The following CDH17 variants were observed in gnomAD, a reference collection of about 807,000 sequenced individuals.
CDH17 encodes cadherin 17.
In CDH17, 67 loss-of-function variants were observed where a neutral mutation model predicts 86.3. The observed-to-expected ratio is 0.78, with a 90% CI of 0.64 to 0.95. CDH17 has a LOEUF of 0.95. Ranked by LOEUF, CDH17 falls within the 40% of genes least tolerant of loss-of-function variation. CDH17 has a pLI of 0.00. For synonymous variants in CDH17, 367 were observed against 366.4 expected (o/e 1.00, Z -0.02); for missense variants, 993 against 1,017.6 (o/e 0.98, Z 0.33).
chr8:94,164,335 G>A (rs6471435), intron 10 of CDH17, among the ~76,000 whole-genome samples: 68,490 of 152,008 alleles, frequency 0.45, 17,285 homozygotes, highest in African/African-American at 0.69. Context: ...TCACATGTCC[G>A]TCTCTTCTAC....
chr8:94,194,050 A>T (rs1454259834), intron 2 of CDH17, among the ~76,000 whole-genome samples: 1 of 152,128 alleles, frequency 6.6e-6, no homozygotes, highest in African/African-American at 2.4e-5. Flanking sequence ...GTAGATTTTA[A>T]AAAAAGGCAC....
At chr8:94,208,887 T>C (rs1413992808), upstream of CDH17, among the ~76,000 whole-genome samples, 4 of 152,204 alleles carry the variant, frequency 2.6e-5, no homozygotes, top group Non-Finnish European at 5.9e-5. Flanking sequence ...CCATATTTTG[T>C]ACCCCCAACA....
At chr8:94,167,113 T>A (rs1813172039) in intron 9 of CDH17, among the ~76,000 whole-genome samples, 1 of 152,156 alleles carries the variant, frequency 6.6e-6, no homozygotes, top group Non-Finnish European at 1.5e-5. Context: ...CTGACTCTAC[T>A]CCAAAGATAA....
chr8:94,129,599 C>T (rs1295114430), intron 17 of CDH17, among the ~76,000 whole-genome samples: 1 of 152,126 alleles, frequency 6.6e-6, no homozygotes, highest in Non-Finnish European at 1.5e-5. Context: ...ACCATAAACC[C>T]CTTCACTCAG....
intron 1 of CDH17, chr8:94,203,099 A>G (rs191958646): frequency 1.2e-5 from 2 of 167,590 alleles, no homozygotes; most frequent in Admixed American, 1.3e-4. Flanking sequence ...TCATTTACCC[A>G]TTTATTTGAG....
chr8:94,174,032 C>T, intron 6 of CDH17, 36 bp from the exon 7 acceptor site: 1 of 1,610,268 alleles, frequency 6.2e-7, no homozygotes, highest in Non-Finnish European at 8.5e-7. Context: ...TAGGAAGTGT[C>T]TCTGGAAGAG....
Position 94,200,532 on chromosome 8 carries a change from C to CTTTTTTTTTTTTTTTTTT in CDH17, c.-20-5828_-20-5827insAAAAAAAAAAAAAAAAAA, listed in dbSNP as rs1387182561. On this transcript the variant is annotated intron_variant, in intron 1 of 17. Coordinates refer to ENST00000027335, the MANE Select transcript of CDH17 (RefSeq NM_004063.4). ...TAGATCAGAGGGTTATTATTATTAT[C>CTTTTTTTTTTTTTTTTTT]TTTTGTTTTTTTTTTTTTTTTTTTT... 1.2e-4 allele frequency among the ~76,000 whole-genome samples: 6 copies of CTTTTTTTTTTTTTTTTTT among 50,242 alleles called. 2 individuals are homozygous for CTTTTTTTTTTTTTTTTTT. The highest frequency in any genetic ancestry group is 1.6e-4 in the African/African-American group (2 of 12,802). 33.0% of individuals were successfully genotyped at this position (50,242 alleles called of 152,430 possible).
intron 7 of CDH17, among the ~76,000 whole-genome samples, chr8:94,172,626 C>A (rs546018611): frequency 6.6e-6 from 1 of 152,284 alleles, no homozygotes; most frequent in Non-Finnish European, 1.5e-5. Context: ...TATGATCAGT[C>A]ATTCAAGTGA....
chr8:94,189,150 C>A (rs781334264), intron 3 of CDH17, 37 bp downstream of exon 3: 46 of 1,442,966 alleles, frequency 3.2e-5, no homozygotes, highest in African/African-American at 1.4e-4. Flanking sequence ...AGAGAGCATA[C>A]AAAATCAAGA....
rs763958701 is a variant in CDH17, at chr8:94,170,880, G to T, written c.889C>A (p.Pro297Thr). 29 of 1,613,688 alleles carry T rather than the reference G, an allele frequency of 1.8e-5. No individual in the cohort carries two copies. Among genetic ancestry groups the T allele is most frequent in the Non-Finnish European group, 1.9e-5 (23 of 1,179,830 alleles). The stretch of plus-strand genomic sequence containing the variant: ...GCATCCTTTTCTTCTCGGTCCAAGG[G>T]CTGAGTCACGTAAATATCTCCTTCC... Reference protein sequence around the residue: ...DQEGDIYVTQPLDREEKDAYV... With the variant: ...DQEGDIYVTQTLDREEKDAYV... Residue 297 changes from proline (P) to threonine (T), a missense_variant, in exon 8 of 18, where the codon CCC (proline) becomes ACC (threonine). Transcript: ENST00000027335.
At chr8:94,207,937 T>C (rs1814060946) in intron 1 of CDH17, among the ~76,000 whole-genome samples, 1 of 152,258 alleles carries the variant, frequency 6.6e-6, no homozygotes, top group African/African-American at 2.4e-5. Flanking sequence ...CAGGTCTGTC[T>C]GTCTTCAATT....
At chr8:94,141,062 T>C (rs1232373069) in intron 15 of CDH17, among the ~76,000 whole-genome samples, 1 of 152,110 alleles carries the variant, frequency 6.6e-6, no homozygotes, top group Non-Finnish European at 1.5e-5. Context: ...TGAATATAGA[T>C]GCAAAAATTA....
chr8:94,199,113 C>T, intron 1 of CDH17, among the ~76,000 whole-genome samples: 2 of 137,160 alleles, frequency 1.5e-5, no homozygotes, highest in East Asian at 4.4e-4. Flanking sequence ...TGTCTGTTAG[C>T]ATTACTGCCA....
rs535218423 is a variant in CDH17, at chr8:94,166,143, G to A, written c.1067-167C>T. Among the ~76,000 whole-genome samples, 38 of 152,310 alleles carry A rather than the reference G, an allele frequency of 2.5e-4. 1 individual carries two copies. Among genetic ancestry groups the A allele is most frequent in the South Asian group, 8.3e-4 (4 of 4,832 alleles). On this transcript the variant is annotated intron_variant, in intron 9 of 17. Transcript: ENST00000027335. ...TTCTTCTCATCCTATCATGTAATGG[G>A]TTGAATAGTGTATTTGTCAGCCAGG...
In CDH17 at chr8:94,177,602, A is replaced by G. The variant is rs769648534; in HGVS notation, c.270T>C (p.Ser90=). The G allele has an allele frequency of 8.7e-6, 14 of 1,613,668 alleles. 1 individual carries two copies. The highest frequency in any genetic ancestry group is 6.6e-5 in the South Asian group (6 of 91,070). Residue 90 remains serine, a synonymous_variant, in exon 4 of 18, where the codon TCT becomes TCC. Coordinates refer to ENST00000027335, the MANE Select transcript of CDH17 (RefSeq NM_004063.4). ...YNRALDRETR[S]THNLQVAALD... ...ATCAATTTACCTGGAGATTGTGAGT[A>G]GATCTTGTTTCCCTGTCCAAGGCTC...
chr8:94,141,271 GA>G (rs142414503), intron 15 of CDH17, among the ~76,000 whole-genome samples: 12 of 148,558 alleles, frequency 8.1e-5, no homozygotes, highest in African/African-American at 2.5e-4. Flanking sequence ...TCCAATTTAG[GA>G]AAAAAAAAAC....
At chr8:94,188,366 C>T (rs144748823) in intron 3 of CDH17, among the ~76,000 whole-genome samples, 27 of 152,000 alleles carry the variant, frequency 1.8e-4, no homozygotes, top group Non-Finnish European at 2.6e-4. Flanking sequence ...TACAGAGGGC[C>T]GTCTGTAAAT....
chr8:94,130,499 C>T (rs1812390557), intron 17 of CDH17, 127 bp downstream of exon 17: 2 of 615,862 alleles, frequency 3.2e-6, no homozygotes, highest in African/African-American at 1.8e-5. Flanking sequence ...GGTGATCTAC[C>T]TTCTGGGCTA....
chr8:94,183,890 G>T (rs1264348639), intron 3 of CDH17, among the ~76,000 whole-genome samples: 9 of 152,016 alleles, frequency 5.9e-5, no homozygotes, highest in South Asian at 4.2e-4. Context: ...CTGATTAAAA[G>T]TAGGCAAAGG....
Sources: gnomAD v4.1 joint callset for allele counts (sites outside exome capture counted in the v4.1 genomes callset) on GRCh38, gnomAD v4.1.1 for gene constraint, MANE v1.5 for transcripts, NCBI Gene and HGNC (gene_info 2026-07-23, HGNC 2026-07-21) for gene names.